Variants in EEA1 observed in about 807,000 individuals in gnomAD.
EEA1 encodes early endosome antigen 1, also known as early endosome antigen 1, 162kD.
In EEA1, 111 loss-of-function variants were observed where a neutral mutation model predicts 209.2. The ratio of observed to expected loss-of-function variants is 0.53; its 90% confidence interval spans 0.45 to 0.62. EEA1 has a LOEUF of 0.62. Ranked by LOEUF, EEA1 falls within the 20% of genes least tolerant of loss-of-function variation. EEA1 has a pLI of 0.00. For synonymous variants in EEA1, 536 were observed against 540.6 expected, an observed-to-expected ratio of 0.99 and a Z score of 0.12; for missense variants, 1,343 against 1,530.8, an observed-to-expected ratio of 0.88 and a Z score of 2.05.
At chr12:92,831,518 T>C (rs964842358) in intron 11 of EEA1, among the ~76,000 whole-genome samples, 1 of 148,108 alleles carries the variant, frequency 6.8e-6, no homozygotes, top group South Asian at 2.1e-4. Context: ...ATGAATAATA[T>C]ATGAATTATA....
chr12:92,817,343 A>G (rs1322796744), intron 14 of EEA1, among the ~76,000 whole-genome samples: 2 of 151,948 alleles, frequency 1.3e-5, no homozygotes, highest in Non-Finnish European at 2.9e-5. Flanking sequence ...TTATCTCTAA[A>G]AGTTCAATTA....
intron 21 of EEA1, among the ~76,000 whole-genome samples, chr12:92,791,461 C>A (rs909343864): frequency 1.3e-5 from 2 of 152,012 alleles, no homozygotes; most frequent in African/African-American, 4.8e-5. Flanking sequence ...AAAAAAACAC[C>A]AGGGGTTGCA....
chr12:92,827,956 G>C lies in EEA1; in HGVS notation c.1360C>G (p.Gln454Glu). ...SSEKLMDKEQQVADLQLKLSR... is the reference protein window; with the variant it reads ...SSEKLMDKEQEVADLQLKLSR... Reference sequence around the variant, plus strand: ...AGTTTGAGTTGTAAATCAGCCACTTGTTGTTCTTTATCCATCAACTTTTCA... The same window carrying C: ...AGTTTGAGTTGTAAATCAGCCACTTCTTGTTCTTTATCCATCAACTTTTCA... The change falls in exon 12 of 29, where the codon CAA becomes GAA. Residue 454 changes from glutamine to glutamate, a missense_variant. Gln to Glu is a conservative substitution (Grantham distance 29). Around this residue, in one of 3 missense-constraint regions of EEA1, gnomAD observed 1,307 missense variants for 1,465.5 expected, o/e 0.89. Coordinates refer to ENST00000322349, the MANE Select transcript of EEA1 (RefSeq NM_003566.4). 6.3e-7 allele frequency: 1 copy of C among 1,592,426 alleles called. No homozygotes were observed. Among genetic ancestry groups the C allele is most frequent in the Non-Finnish European group, 8.5e-7 (1 of 1,171,202 alleles).
intron 2 of EEA1, among the ~76,000 whole-genome samples, chr12:92,866,872 C>G (rs1565842051): frequency 6.6e-6 from 1 of 152,272 alleles, no homozygotes; most frequent in East Asian, 1.9e-4. Flanking sequence ...ACTCACTACT[C>G]TCCCTCTCAC....
intron 12 of EEA1, 98 bp downstream of exon 12, chr12:92,827,814 A>T: frequency 7.7e-7 from 1 of 1,299,270 alleles, no homozygotes; most frequent in Non-Finnish European, 1.0e-6. Flanking sequence ...TTGCACTTTA[A>T]AAAGTCCAAT....
chr12:92,802,149 A>G (rs1367305425), intron 19 of EEA1, among the ~76,000 whole-genome samples: 3 of 152,042 alleles, frequency 2.0e-5, no homozygotes, highest in Non-Finnish European at 4.4e-5. Flanking sequence ...ACATAACAAC[A>G]CACATGAGAA....
chr12:92,816,130 T>G (rs538691603), intron 15 of EEA1, 70 bp downstream of exon 15: 147 of 1,381,820 alleles, frequency 1.1e-4, no homozygotes, highest in African/African-American at 6.3e-4. Flanking sequence ...TAAAAAGAGA[T>G]AGAAACAGAA....
At chr12:92,879,091 CT>C (rs1170189593) in intron 2 of EEA1, among the ~76,000 whole-genome samples, 1 of 152,108 alleles carries the variant, frequency 6.6e-6, no homozygotes, top group Non-Finnish European at 1.5e-5. Flanking sequence ...ACTGATATCC[CT>C]CATGACCAAA....
chr12:92,793,461 A>G (rs1173295060), intron 21 of EEA1, among the ~76,000 whole-genome samples: 1 of 152,224 alleles, frequency 6.6e-6, no homozygotes, highest in Non-Finnish European at 1.5e-5. Context: ...ATGTGCAAAA[A>G]TCACAAGCAT....
At chr12:92,799,196 CAA>C (rs2136664712) in intron 20 of EEA1, 110 bp from the exon 21 acceptor site, 1 of 930,376 alleles carries the variant, frequency 1.1e-6, no homozygotes, top group African/African-American at 1.7e-5. Flanking sequence ...ATTCAAAAGA[CAA>C]TTTACTGAGT....
At chr12:92,873,617 A>C (rs575118972) in intron 2 of EEA1, among the ~76,000 whole-genome samples, 1 of 152,322 alleles carries the variant, frequency 6.6e-6, no homozygotes, top group East Asian at 1.9e-4. Context: ...AGAGAGAGGA[A>C]GACTGAAAAC....
intron 22 of EEA1, among the ~76,000 whole-genome samples, chr12:92,785,778 G>A (rs966502494): frequency 5.3e-5 from 8 of 152,134 alleles, no homozygotes; most frequent in African/African-American, 1.9e-4. Context: ...GCAAAAGCAA[G>A]CTTTGGAATA....
rs537358500 is a variant in EEA1 at position 92,789,809 on chromosome 12, C to T, written c.2968-1760G>A. On this transcript the variant is annotated intron_variant, in intron 21 of 28. Coordinates refer to ENST00000322349, the MANE Select transcript of EEA1 (RefSeq NM_003566.4). ...CGTTTGAGCTCTGAGAACGGACAGA[C>T]TGCATCCTCAAGTGGGTCCCTGACC... is the stretch of plus-strand genomic sequence containing the variant. 8.1e-4 allele frequency among the ~76,000 whole-genome samples: 124 copies of T among 152,364 alleles called. No homozygotes were observed. The Middle Eastern group carries it at 0.014, about 17-fold the overall frequency.
chr12:92,853,891 A>T lies in EEA1; in HGVS notation c.406+24T>A. 6.9e-6 allele frequency: 11 copies of T among 1,588,276 alleles called. 1 individual carries two copies. Among genetic ancestry groups the T allele is most frequent in the Admixed American group, 1.9e-5 (1 of 53,232 alleles). ...ATAAGAAGAAAAAGAAAACTGACAA[A>T]ATATCTGCTTTAAGTAAAGTTACCT... On this transcript the variant is annotated intron_variant, in intron 6 of 28. Transcript: ENST00000322349.
intron 2 of EEA1, among the ~76,000 whole-genome samples, chr12:92,868,677 C>T (rs1433744155): frequency 6.6e-6 from 1 of 152,208 alleles, no homozygotes; most frequent in Non-Finnish European, 1.5e-5. Flanking sequence ...AAATATTCCA[C>T]ATAAGTGAAT....
Position 92,929,158 on chromosome 12 carries a change from G to T in EEA1, c.-92C>A. The T allele has an allele frequency of 7.6e-7, 1 of 1,319,582 alleles. No individual in the cohort carries two copies. Among genetic ancestry groups the T allele is most frequent in the Non-Finnish European group, 1.0e-6 (1 of 956,366 alleles). 81.7% of individuals were successfully genotyped at this position (1,319,582 alleles called of 1,614,324 possible). On this transcript the variant is annotated 5_prime_UTR_variant, in exon 1 of 29. Transcript: ENST00000322349. ...GGGGTGCGCGGGCGGGAGGGACTGG[G>T]CCGGGAGGGGACCGGGAAGGAGGTC...
chr12:92,897,632 G>A (rs533483968), intron 1 of EEA1, among the ~76,000 whole-genome samples: 1 of 152,136 alleles, frequency 6.6e-6, no homozygotes, highest in East Asian at 1.9e-4. Context: ...GCTTTGCTGG[G>A]CGTTTTGTCC....
chr12:92,892,371 T>A (rs1372491409), intron 1 of EEA1, among the ~76,000 whole-genome samples: 7 of 151,286 alleles, frequency 4.6e-5, no homozygotes, highest in African/African-American at 1.7e-4. Context: ...GGGTTACAGG[T>A]GTGAGCCATA....
chr12:92,909,251 C>T (rs752171137), intron 1 of EEA1, among the ~76,000 whole-genome samples: 54 of 152,190 alleles, frequency 3.5e-4, no homozygotes, highest in Non-Finnish European at 4.0e-4. Flanking sequence ...AGAGAAATGG[C>T]TGATTCCAGA....
Sources: gnomAD v4.1 joint callset for allele counts (sites outside exome capture counted in the v4.1 genomes callset) on GRCh38, gnomAD v4.1.1 for gene constraint, gnomAD v4.1.1 regional missense constraint, MANE v1.5 for transcripts, NCBI Gene and HGNC (gene_info 2026-07-23, HGNC 2026-07-21) for gene names.